The following MESD variants were observed in gnomAD, a reference collection of about 807,000 sequenced individuals.
The protein encoded by MESD is mesoderm development LRP chaperone.
MESD carries 7 observed loss-of-function variants against 12.9 expected under a neutral mutation model. That is an observed-to-expected ratio of 0.54 (90% CI 0.31 to 1.02). MESD has a LOEUF of 1.02. Ranked by LOEUF, MESD falls within the 50% of genes least tolerant of loss-of-function variation. The pLI is 0.05. For synonymous variants in MESD, 126 were observed against 115.6 expected (o/e 1.09, Z -0.58); for missense variants, 342 against 296.7 (o/e 1.15, Z -1.12).
chr15:80,964,327 A>T (rs1902139027), intron 3 of MESD, among the ~76,000 whole-genome samples: 1 of 152,214 alleles, frequency 6.6e-6, no homozygotes, highest in Non-Finnish European at 1.5e-5. Context: ...ATAAAAGAGG[A>T]CACAAACAAA....
At chr15:80,962,260 G>A (rs76717686) in intron 3 of MESD, among the ~76,000 whole-genome samples, 51 of 152,286 alleles carry the variant, frequency 3.3e-4, no homozygotes, top group African/African-American at 1.2e-3. Flanking sequence ...TTATATAATG[G>A]TAAAGGAATC....
rs369992727 is a variant in MESD at position 80,981,978 on chromosome 15, G to A, written c.418C>T (p.Leu140Phe). Residue 140 changes from leucine to phenylalanine, a missense_variant, in exon 2 of 3, where the codon CTT becomes TTT. Coordinates refer to ENST00000261758, the MANE Select transcript of MESD (RefSeq NM_015154.3). ...EEITSLWQGS[L>F]FNANYDVQRF... ...TGGACGTCATAGTTGGCATTGAAAA[G>A]GCTGCCCTGCCAGAGGCTCGTAATT... 2.5e-4 allele frequency: 399 copies of A among 1,614,124 alleles called. No homozygotes were observed. The highest frequency in any genetic ancestry group is 5.5e-4 in the Admixed American group (33 of 60,028).
chr15:80,974,033 C>A (rs1902349779), downstream of MESD, among the ~76,000 whole-genome samples: 1 of 152,066 alleles, frequency 6.6e-6, no homozygotes, highest in Non-Finnish European at 1.5e-5. Context: ...TCTTGGCAAT[C>A]ATTTTTCCTT....
rs1902464448 is a variant in MESD, at chr15:80,978,035, T to C, written c.*1184A>G. On this transcript the variant is annotated 3_prime_UTR_variant, in exon 3 of 3. Transcript: ENST00000261758. ...CAAAACAAACATACATCACCATAAGTACATTTACATAAGTAAATGTACTTT... is the reference window on the plus strand; with the variant it reads ...CAAAACAAACATACATCACCATAAGCACATTTACATAAGTAAATGTACTTT... 1 of 152,098 alleles carries C rather than the reference T, an allele frequency of 6.6e-6. No individual in the cohort carries two copies. The highest frequency in any genetic ancestry group is 2.4e-5 in the African/African-American group (1 of 41,400). 9.4% of individuals were successfully genotyped at this position (152,098 alleles called of 1,614,324 possible). A position where few individuals can be genotyped will look rare whatever the true frequency, so the allele number is the denominator to read the frequency against.
At chr15:80,970,673 A>C (rs1902267732) in intron 3 of MESD, 1 of 152,220 alleles carries the variant, frequency 6.6e-6, no homozygotes, top group South Asian at 2.1e-4. Context: ...GTCAAACAAA[A>C]TCAGTGTCTG....
intron 3 of MESD, among the ~76,000 whole-genome samples, chr15:80,968,653 A>G (rs547136327): frequency 2.7e-5 from 4 of 150,506 alleles, no homozygotes; most frequent in African/African-American, 7.5e-5. Flanking sequence ...TACTTTAAAA[A>G]TAAAATAAAA....
In MESD at chr15:80,958,397, C is replaced by T. The variant is rs371502678; in HGVS notation, c.*289-6101G>A. ...CCAGGCTGAAGAGCAGTGGTGCGAT[C>T]TTGGCTCACTGCAACCTTCACCTCC... On this transcript the variant is annotated intron_variant, in intron 3 of 4. Transcript: ENST00000561312. 9.2e-5 allele frequency among the ~76,000 whole-genome samples: 14 copies of T among 152,288 alleles called. No homozygotes were observed. The South Asian group carries it at 2.3e-3, about 25-fold the overall frequency.
chr15:80,989,505 A>C, intron 1 of MESD, 74 bp downstream of exon 1: 2 of 1,501,040 alleles, frequency 1.3e-6, no homozygotes, highest in South Asian at 1.2e-5. Flanking sequence ...GTCCCAAGAC[A>C]GAACAGGTAA....
downstream of MESD, chr15:80,946,691 A>C (rs1901569366): frequency 2.1e-6 from 1 of 466,216 alleles, no homozygotes; most frequent in Non-Finnish European, 4.0e-6. Context: ...TTGGAGAGAG[A>C]CATGTAAACG....
chr15:80,974,945 T>C (rs933587424), downstream of MESD, among the ~76,000 whole-genome samples: 1 of 150,182 alleles, frequency 6.7e-6, no homozygotes, highest in Non-Finnish European at 1.5e-5. Flanking sequence ...AGGAAAAAAA[T>C]TTTTAAATCA....
At chr15:80,966,462 G>C (rs1392778315) in intron 3 of MESD, among the ~76,000 whole-genome samples, 1 of 152,170 alleles carries the variant, frequency 6.6e-6, no homozygotes, top group Non-Finnish European at 1.5e-5. Context: ...GAGGCCCTTT[G>C]GTTTCTGAAA....
exon 5 of MESD, chr15:80,948,086 C>T (rs1158441351): frequency 6.5e-6 from 1 of 153,314 alleles, no homozygotes; most frequent in African/African-American, 2.4e-5. Context: ...TTTGGAGCCT[C>T]TGTCTTTTAA....
intron 2 of MESD, among the ~76,000 whole-genome samples, chr15:80,979,776 G>A (rs1902524857): frequency 6.6e-6 from 1 of 152,226 alleles, no homozygotes; most frequent in Non-Finnish European, 1.5e-5. Flanking sequence ...ACACTGCAGA[G>A]GTGGCTCAGG....
At chr15:80,972,957 A>G (rs550522064), downstream of MESD, among the ~76,000 whole-genome samples, 2 of 152,120 alleles carry the variant, frequency 1.3e-5, no homozygotes, top group African/African-American at 4.8e-5. Context: ...AGGAGGTGGA[A>G]GTTGCAGTGA....
chr15:80,980,292 G>T (rs1313360750), intron 2 of MESD, among the ~76,000 whole-genome samples: 1 of 152,162 alleles, frequency 6.6e-6, no homozygotes, highest in Non-Finnish European at 1.5e-5. Flanking sequence ...TCTTGTCATT[G>T]CTTTTATATT....
In MESD at chr15:80,977,338, C is replaced by T. The variant is rs577193616; in HGVS notation, c.*1881G>A. 2.0e-5 allele frequency: 3 copies of T among 152,232 alleles called. No homozygotes were observed. The highest frequency in any genetic ancestry group is 1.9e-4 in the East Asian group (1 of 5,200). 9.4% of individuals were successfully genotyped at this position (152,232 alleles called of 1,614,324 possible). A position where few individuals can be genotyped will look rare whatever the true frequency, so the allele number is the denominator to read the frequency against. On this transcript the variant is annotated 3_prime_UTR_variant, in exon 3 of 3. Coordinates refer to ENST00000261758, the MANE Select transcript of MESD (RefSeq NM_015154.3). Reference sequence around the variant, plus strand: ...ATTACTGACATTTGTCTTCCCCCACCGAATCATTGAGTTTTACGATAGCAG... The same window carrying T: ...ATTACTGACATTTGTCTTCCCCCACTGAATCATTGAGTTTTACGATAGCAG...
chr15:80,948,076 T>C (rs1275749638), exon 5 of MESD: 1 of 153,390 alleles, frequency 6.5e-6, no homozygotes, highest in Non-Finnish European at 1.5e-5. Context: ...CTGAAATCAT[T>C]TTGGAGCCTC....
At chr15:80,946,636 G>A (rs1375572304), downstream of MESD, 5 of 350,798 alleles carry the variant, frequency 1.4e-5, no homozygotes, top group African/African-American at 4.2e-5. Flanking sequence ...CCTACTGTGT[G>A]CCGAGCCCTG....
At chr15:80,987,416 C>T (rs1230701689) in intron 1 of MESD, among the ~76,000 whole-genome samples, 3 of 152,020 alleles carry the variant, frequency 2.0e-5, no homozygotes, top group East Asian at 1.9e-4. Context: ...CAAAGTAGGG[C>T]GTTATCTGGC....
Sources: allele counts gnomAD v4.1 joint callset (sites outside exome capture counted in the v4.1 genomes callset), GRCh38; gene constraint gnomAD v4.1.1; transcripts MANE v1.5; gene names NCBI Gene and HGNC (gene_info 2026-07-23, HGNC 2026-07-21).